The following SUGT1 variants were observed in gnomAD, a reference collection of about 807,000 sequenced individuals.
SUGT1 encodes protein SGT1 homolog.
In SUGT1, 15 loss-of-function variants were observed where a neutral mutation model predicts 56.1. That is an observed-to-expected ratio of 0.27 (90% CI 0.18 to 0.41). The LOEUF is 0.41. Among genes scored for constraint, SUGT1 ranks in the 10% least tolerant of loss-of-function variants. The pLI is 1.00. For synonymous variants in SUGT1, 123 were observed against 128.6 expected, an observed-to-expected ratio of 0.96 and a Z score of 0.30; for missense variants, 347 against 382.2, an observed-to-expected ratio of 0.91 and a Z score of 0.77.
At position 52,659,198 on chromosome 13, in the gene SUGT1, A is replaced by G; in HGVS notation, c.277A>G (p.Lys93Glu). ...LRKGICEYHE[K>E]NYAAALETFT... is the part of the protein sequence containing the mutation. ...ATGCAGAATATGTGAATACCATGAA[A>G]AAAACTATGCTGCTGCCCTAGAAAC... is the stretch of plus-strand genomic sequence containing the variant. Residue 93 changes from lysine (K) to glutamate (E), a missense_variant, in exon 5 of 13, where the codon AAA (lysine) becomes GAA (glutamate). Transcript: ENST00000310528. 1.3e-6 allele frequency: 2 copies of G among 1,487,928 alleles called. No homozygotes were observed. The highest frequency in any genetic ancestry group is 8.9e-7 in the Non-Finnish European group (1 of 1,125,564). The allele number at this position is 1,487,928 out of a possible 1,614,324, so 92.2% of individuals were successfully genotyped here. A position where few individuals can be genotyped will look rare whatever the true frequency, so the allele number is the denominator to read the frequency against.
Position 52,699,072 on chromosome 13 carries a change from T to C in SUGT1, c.*11237T>C, listed in dbSNP as rs567887265. On this transcript the variant is annotated 3_prime_UTR_variant, in exon 13 of 13. Coordinates refer to ENST00000310528, the MANE Select transcript of SUGT1 (RefSeq NM_006704.5). ...AGCACTAATCACCTCTAATGCCTTA[T>C]TTCCAGTAAAGTTTAGAGAAGAGGA... 4.3e-4 allele frequency: 66 copies of C among 152,296 alleles called. No individual in the cohort carries two copies. Among genetic ancestry groups the C allele is most frequent in the African/African-American group, 1.6e-3 (65 of 41,574 alleles). 9.4% of individuals were successfully genotyped at this position (152,296 alleles called of 1,614,324 possible). A position where few individuals can be genotyped will look rare whatever the true frequency, so the allele number is the denominator to read the frequency against.
At chr13:52,684,579 C>T (rs1442697010) in intron 12 of SUGT1, among the ~76,000 whole-genome samples, 1 of 152,036 alleles carries the variant, frequency 6.6e-6, no homozygotes, top group East Asian at 1.9e-4. Context: ...CCCTCTGTCG[C>T]CCAGAGGGGA....
chr13:52,679,208 G>A (rs1963268857), intron 11 of SUGT1, among the ~76,000 whole-genome samples: 2 of 152,212 alleles, frequency 1.3e-5, no homozygotes, highest in African/African-American at 4.8e-5. Context: ...TTATTTGTGT[G>A]CCAAGATCTT....
At chr13:52,682,997 C>A (rs1400511196) in intron 12 of SUGT1, among the ~76,000 whole-genome samples, 1 of 152,054 alleles carries the variant, frequency 6.6e-6, no homozygotes, top group Admixed American at 6.5e-5. Context: ...GATAGATTGT[C>A]ATTTTTTTAA....
intron 3 of SUGT1, chr13:52,658,097 A>T: frequency 7.8e-7 from 1 of 1,276,676 alleles, no homozygotes; most frequent in Non-Finnish European, 1.0e-6. Context: ...CCTTCTGAAT[A>T]GGGAAAAACT....
intron 2 of SUGT1, among the ~76,000 whole-genome samples, chr13:52,654,857 G>A (rs1962084017): frequency 1.3e-5 from 2 of 152,208 alleles, no homozygotes; most frequent in Middle Eastern, 3.2e-3. Flanking sequence ...TGGACATCTG[G>A]GTTATTTCTA....
chr13:52,675,878 C>T (rs1009530626), intron 10 of SUGT1, among the ~76,000 whole-genome samples: 1 of 152,110 alleles, frequency 6.6e-6, no homozygotes, highest in Non-Finnish European at 1.5e-5. Flanking sequence ...TCACCTCTTC[C>T]CTCACTGCAG....
intron 5 of SUGT1, among the ~76,000 whole-genome samples, chr13:52,660,493 G>C (rs1962391125): frequency 6.6e-6 from 1 of 152,130 alleles, no homozygotes; most frequent in Non-Finnish European, 1.5e-5. Context: ...TTCACTCTTA[G>C]TATTTTATGT....
At chr13:52,671,161 TA>T (rs1371656273) in intron 10 of SUGT1, among the ~76,000 whole-genome samples, 2 of 151,892 alleles carry the variant, frequency 1.3e-5, no homozygotes, top group Non-Finnish European at 2.9e-5. Context: ...TGAGAGTTTT[TA>T]AAATTATTGT....
intron 3 of SUGT1, 100 bp from the exon 4 acceptor site, chr13:52,658,299 A>G: frequency 6.4e-7 from 1 of 1,566,614 alleles, no homozygotes; most frequent in Non-Finnish European, 8.6e-7. Context: ...TGGCATTTCT[A>G]CCAACTTGAA....
At position 52,652,911 on chromosome 13, in the gene SUGT1, A is replaced by T. The variant is rs376061219; in HGVS notation, c.-10A>T. 1.9e-6 allele frequency: 3 copies of T among 1,613,516 alleles called. No individual in the cohort carries two copies. The highest frequency in any genetic ancestry group is 2.5e-6 in the Non-Finnish European group (3 of 1,179,728). On this transcript the variant is annotated 5_prime_UTR_variant, in exon 1 of 13. Coordinates refer to ENST00000310528, the MANE Select transcript of SUGT1 (RefSeq NM_006704.5). ...AGCAGCTCCGGCGGCAGCAACAGCGACTACGAGGGATGGCGGCGGCTGCAG... is the reference window on the plus strand; with the variant it reads ...AGCAGCTCCGGCGGCAGCAACAGCGTCTACGAGGGATGGCGGCGGCTGCAG...
chr13:52,664,381 A>T (rs762628935), intron 8 of SUGT1, among the ~76,000 whole-genome samples: 1 of 152,216 alleles, frequency 6.6e-6, no homozygotes, highest in Non-Finnish European at 1.5e-5. Context: ...AGTAGATCTA[A>T]CAGAATTGTA....
intron 10 of SUGT1, among the ~76,000 whole-genome samples, chr13:52,670,740 G>A (rs959583587): frequency 3.3e-5 from 5 of 152,074 alleles, no homozygotes; most frequent in Non-Finnish European, 4.4e-5. Context: ...CCTGGGAGGC[G>A]GAGGTTGCAG....
Position 52,652,867 on chromosome 13 carries a change from A to G in SUGT1, c.-54A>G. ...AAGTTTCCCCCTTGGGCGGTGGTGG[A>G]GGTGGTAACCGTGATAGTAGCAGCT... On this transcript the variant is annotated 5_prime_UTR_variant, in exon 1 of 13. Coordinates refer to ENST00000310528, the MANE Select transcript of SUGT1 (RefSeq NM_006704.5). 3 of 1,595,018 alleles carry G rather than the reference A, an allele frequency of 1.9e-6. No individual in the cohort carries two copies. The highest frequency in any genetic ancestry group is 2.6e-6 in the Non-Finnish European group (3 of 1,169,848).
intron 6 of SUGT1, 124 bp from the exon 7 acceptor site, chr13:52,662,972 T>G: frequency 9.1e-7 from 1 of 1,097,884 alleles, no homozygotes; most frequent in Non-Finnish European, 1.3e-6. Context: ...CCACTTTTCT[T>G]TAGTTGAAAG....
At chr13:52,655,120 C>T (rs1249126994) in intron 2 of SUGT1, among the ~76,000 whole-genome samples, 3 of 152,136 alleles carry the variant, frequency 2.0e-5, no homozygotes, top group Non-Finnish European at 4.4e-5. Flanking sequence ...CCGAGGCAGG[C>T]GGATCACGAG....
chr13:52,661,016 T>G (rs1476092421), intron 5 of SUGT1, among the ~76,000 whole-genome samples: 1 of 152,142 alleles, frequency 6.6e-6, no homozygotes, highest in Non-Finnish European at 1.5e-5. Context: ...TTTGCCATGT[T>G]GCCCAGGCTG....
At chr13:52,668,790 C>T (rs1036564178) in intron 10 of SUGT1, among the ~76,000 whole-genome samples, 7 of 149,260 alleles carry the variant, frequency 4.7e-5, no homozygotes, top group South Asian at 2.1e-4. Context: ...GAGATCACTA[C>T]GTTGCACTCC....
Position 52,679,972 on chromosome 13 carries a change from A to G in SUGT1, c.719-2A>G. 1 of 1,580,214 alleles carries G rather than the reference A, an allele frequency of 6.3e-7. No homozygotes were observed. The highest frequency in any genetic ancestry group is 2.0e-5 in the Admixed American group (1 of 49,050). Reference sequence around the variant, plus strand: ...TTACTTCTGCCTTTTTTTACTTCATAGATGTAAAGAACCTATATCCATCAT... The same window carrying G: ...TTACTTCTGCCTTTTTTTACTTCATGGATGTAAAGAACCTATATCCATCAT... On this transcript the variant is annotated splice_acceptor_variant, in intron 11 of 12. Transcript: ENST00000310528. LOFTEE classifies it high-confidence loss of function.
Sources: gnomAD v4.1 joint callset for allele counts (sites outside exome capture counted in the v4.1 genomes callset) on GRCh38, gnomAD v4.1.1 for gene constraint, MANE v1.5 for transcripts, NCBI Gene and HGNC (gene_info 2026-07-23, HGNC 2026-07-21) for gene names.